E4F1: variants seen among roughly 807,000 people sequenced by gnomAD.
E4F1 encodes the protein E4F transcription factor 1, also known as transcription factor E4F1.
A neutral mutation model predicts 72.9 loss-of-function variants in E4F1; 30 were observed. That is an observed-to-expected ratio of 0.41 (90% CI 0.31 to 0.56). The LOEUF (loss-of-function observed/expected upper bound fraction) is 0.56, where lower values mean the gene tolerates loss of function less well. Among genes scored for constraint, E4F1 ranks in the 20% least tolerant of loss-of-function variants. The probability of loss-of-function intolerance (pLI) is 0.25; values close to 1 mark genes in which losing one functional copy is unlikely to be tolerated. For synonymous variants in E4F1, 542 were observed against 478.2 expected (o/e 1.13, Z -1.74); for missense variants, 1,091 against 1,117.5 (o/e 0.98, Z 0.34).
At position 2,233,561 on chromosome 16, in the gene E4F1, C is replaced by G. The variant is rs767227504; in HGVS notation, c.1180C>G (p.Pro394Ala). 6.6e-7 allele frequency: 1 copy of G among 1,510,172 alleles called. No individual in the cohort carries two copies. Among genetic ancestry groups the G allele is most frequent in the Non-Finnish European group, 8.9e-7 (1 of 1,128,750 alleles). The allele number at this position is 1,510,172 out of a possible 1,614,324, so 93.5% of individuals were successfully genotyped here. ...RAAGEEGALE[P>A]APAAGSSPQP... ...TGCTGGGGAGGAGGGTGCCCTGGAG[C>G]CAGCTCCTGCTGCCGGGTCCAGTCC... The change falls in exon 8 of 14, where the codon CCA becomes GCA. Residue 394 changes from proline (P) to alanine (A), a missense_variant. By Grantham distance (27) the Pro-to-Ala change is conservative. Transcript: ENST00000301727.
At position 2,232,496 on chromosome 16, in the gene E4F1, G is replaced by A. The variant is rs749141504; in HGVS notation, c.650G>A (p.Arg217His). The A allele has an allele frequency of 2.9e-5, 47 of 1,611,278 alleles. No individual in the cohort carries two copies. Among genetic ancestry groups the A allele is most frequent in the South Asian group, 1.5e-4 (14 of 90,854 alleles). Residue 217 changes from arginine (R) to histidine (H), a missense_variant, in exon 5 of 14, where the codon CGC (arginine) becomes CAC (histidine). Transcript: ENST00000301727. ...GCCCACATGGTCACTCACAGCAGCC[G>A]CAAGGACCACGAGTGCAAGCTCTGT... ...LKAHMVTHSS[R>H]KDHECKLCGA...
rs1243966461 is a variant in E4F1, at chr16:2,233,790, G to A, written c.1267-92G>A. ...TACTGCCTTCCCTGGGGCCACAAGG[G>A]AGCCTGCCAGGGTGGGGCCCATGGT... On this transcript the variant is annotated intron_variant, in intron 8 of 13. Coordinates refer to ENST00000301727, the MANE Select transcript of E4F1 (RefSeq NM_004424.5). 57 of 1,423,702 alleles carry A rather than the reference G, an allele frequency of 4.0e-5. No individual in the cohort carries two copies. The Admixed American group carries it at 1.2e-3, about 29-fold the overall frequency. The allele number at this position is 1,423,702 out of a possible 1,614,324, so 88.2% of individuals were successfully genotyped here. A position where few individuals can be genotyped will look rare whatever the true frequency, so the allele number is the denominator to read the frequency against.
rs143899809 is a variant in E4F1, at chr16:2,235,573, C to T, written c.*1C>T. The stretch of plus-strand genomic sequence containing the variant: ...GGAGGTGCAGACGGTCATCGTCTAG[C>T]ATGAGGTCTGCGGGGTCCTGGCCGG... On this transcript the variant is annotated 3_prime_UTR_variant, in exon 14 of 14. Coordinates refer to ENST00000301727, the MANE Select transcript of E4F1 (RefSeq NM_004424.5). 1.5e-4 allele frequency: 231 copies of T among 1,587,196 alleles called. No individual in the cohort carries two copies. The highest frequency in any genetic ancestry group is 1.6e-4 in the Non-Finnish European group (181 of 1,163,534).
At chr16:2,225,425 A>AG (rs2093425168) in intron 1 of E4F1, among the ~76,000 whole-genome samples, 1 of 151,094 alleles carries the variant, frequency 6.6e-6, no homozygotes, top group Non-Finnish European at 1.5e-5. Context: ...CTTGAGCCCA[A>AG]GGAGTTCCAG....
chr16:2,229,542 C>G (rs1347445465), intron 2 of E4F1, 28 bp from the exon 3 acceptor site: 1 of 1,600,698 alleles, frequency 6.2e-7, no homozygotes, highest in Non-Finnish European at 8.5e-7. Context: ...ATACAGACGA[C>G]TCCCCTGTTT....
At chr16:2,228,165 G>C in intron 1 of E4F1, 2 of 660,294 alleles carry the variant, frequency 3.0e-6, no homozygotes, top group East Asian at 5.6e-5. Flanking sequence ...GGTGGGTCTG[G>C]CCCCTGCAGA....
intron 3 of E4F1, 72 bp from the exon 4 acceptor site, chr16:2,232,099 C>G: frequency 6.3e-7 from 1 of 1,579,212 alleles, no homozygotes; most frequent in Non-Finnish European, 8.6e-7. Flanking sequence ...GTCCCCTCCC[C>G]TGGAGCCAGC....
intron 1 of E4F1, 75 bp downstream of exon 1, chr16:2,223,845 C>A: frequency 6.5e-7 from 1 of 1,530,934 alleles, no homozygotes; most frequent in Non-Finnish European, 8.7e-7. Context: ...CCGGATGGCC[C>A]GAGCTGCGGG....
At chr16:2,224,558 G>C (rs1337270697) in intron 1 of E4F1, among the ~76,000 whole-genome samples, 1 of 152,172 alleles carries the variant, frequency 6.6e-6, no homozygotes, top group Non-Finnish European at 1.5e-5. Flanking sequence ...GGGAGGTCGA[G>C]ACGGGCGGGT....
intron 1 of E4F1, 172 bp downstream of exon 1, chr16:2,223,942 C>T (rs1479470779): frequency 6.5e-7 from 1 of 1,527,386 alleles, no homozygotes; most frequent in Non-Finnish European, 8.7e-7. Context: ...TTGCTGCGAC[C>T]CTCACGGGCC....
chr16:2,228,440 C>T lies in E4F1; in HGVS notation c.226C>T (p.His76Tyr). ...EFTALEDFVQ[H>Y]KIQKACQRAP... is the part of the protein sequence containing the mutation. ...CACCGCCTTGGAGGATTTTGTTCAG[C>T]ACAAGATTCAGAAGGCCTGCCAGCG... Residue 76 changes from histidine (H) to tyrosine (Y), a missense_variant, in exon 2 of 14, where the codon CAC becomes TAC. Around this residue, in one of 5 missense-constraint regions of E4F1, gnomAD observed 362 missense variants for 358.6 expected, o/e 1.01. Transcript: ENST00000301727. 6.2e-7 allele frequency: 1 copy of T among 1,613,700 alleles called. No individual in the cohort carries two copies. Among genetic ancestry groups the T allele is most frequent in the Non-Finnish European group, 8.5e-7 (1 of 1,180,030 alleles).
Position 2,235,463 on chromosome 16 carries a change from C to G in E4F1, c.2246C>G (p.Ala749Gly). ...ARAGTSGTEQATVTMVSSEDI... is the reference protein window; with the variant it reads ...ARAGTSGTEQGTVTMVSSEDI... The stretch of plus-strand genomic sequence containing the variant: ...GCAGGGACAAGTGGCACTGAACAGG[C>G]CACTGTGACCATGGTGTCATCAGAG... The change falls in exon 14 of 14, where the codon GCC becomes GGC. Residue 749 changes from alanine to glycine, a missense_variant. Ala to Gly is a moderately conservative substitution (Grantham distance 60). Around this residue, in one of 5 missense-constraint regions of E4F1, gnomAD observed 622 missense variants for 628.0 expected, o/e 0.99. Transcript: ENST00000301727. 6.2e-7 allele frequency: 1 copy of G among 1,612,492 alleles called. No individual in the cohort carries two copies. Among genetic ancestry groups the G allele is most frequent in the East Asian group, 2.2e-5 (1 of 44,834 alleles).
At chr16:2,223,807 G>C in intron 1 of E4F1, 37 bp downstream of exon 1, 1 of 1,536,030 alleles carries the variant, frequency 6.5e-7, no homozygotes, top group Non-Finnish European at 8.7e-7. Context: ...GCCGGGGTGC[G>C]GGCAGTTCAT....
chr16:2,228,279 G>A (rs2093444053), intron 1 of E4F1, 93 bp from the exon 2 acceptor site: 3 of 1,530,332 alleles, frequency 2.0e-6, no homozygotes, highest in African/African-American at 1.4e-5. Flanking sequence ...CCTCCTGGGG[G>A]AATCTGTTCT....
Position 2,235,447 on chromosome 16 carries a change from A to G in E4F1, c.2230A>G (p.Ser744Gly), listed in dbSNP as rs199977994. ...GTVLAARAGTSGTEQATVTMV... is the reference protein window; with the variant it reads ...GTVLAARAGTGGTEQATVTMV... ...TGTGCTTGCCGCCCGGGCAGGGACA[A>G]GTGGCACTGAACAGGCCACTGTGAC... The change falls in exon 14 of 14, where the codon AGT becomes GGT. Residue 744 changes from serine to glycine, a missense_variant. Physicochemically the swap from Ser to Gly is moderately conservative, Grantham distance 56 (BLOSUM62 0). This residue lies in a region of E4F1 where 622 missense variants were observed against 628.0 expected (regional missense o/e 0.99). Coordinates refer to ENST00000301727, the MANE Select transcript of E4F1 (RefSeq NM_004424.5). 4 of 1,612,512 alleles carry G rather than the reference A, an allele frequency of 2.5e-6. No homozygotes were observed. The highest frequency in any genetic ancestry group is 4.5e-5 in the East Asian group (2 of 44,842).
Position 2,235,308 on chromosome 16 carries a change from G to T in E4F1, c.2091G>T (p.Glu697Asp). ...TCGTGCAGAACGTCACCATGGACGA[G>T]GAGACGGCGCTGGGCCCAGAGGCGG... ...QIIVQNVTMD[E>D]ETALGPEAAA... Residue 697 changes from glutamate (E) to aspartate (D), a missense_variant, in exon 14 of 14, where the codon GAG becomes GAT. Physicochemically the swap from Glu to Asp is conservative, Grantham distance 45. Transcript: ENST00000301727. 6.2e-7 allele frequency: 1 copy of T among 1,611,096 alleles called. No individual in the cohort carries two copies.
At chr16:2,227,023 C>T (rs561042459) in intron 1 of E4F1, among the ~76,000 whole-genome samples, 28 of 152,284 alleles carry the variant, frequency 1.8e-4, no homozygotes, top group African/African-American at 6.7e-4. Flanking sequence ...CAAACTCCCG[C>T]AGTTTTTGTT....
chr16:2,229,493 C>T, intron 2 of E4F1, 77 bp from the exon 3 acceptor site: 1 of 1,470,522 alleles, frequency 6.8e-7, no homozygotes, highest in South Asian at 1.2e-5. Context: ...TTTACACTGG[C>T]AGAGCCCAGG....
At chr16:2,227,364 C>G (rs946042741) in intron 1 of E4F1, among the ~76,000 whole-genome samples, 2 of 151,992 alleles carry the variant, frequency 1.3e-5, no homozygotes, top group Non-Finnish European at 2.9e-5. Flanking sequence ...CATGCGCCAC[C>G]AAGCCTGGCT....
Sources: gnomAD v4.1 joint callset for allele counts (sites outside exome capture counted in the v4.1 genomes callset) on GRCh38, gnomAD v4.1.1 for gene constraint, gnomAD v4.1.1 regional missense constraint, MANE v1.5 for transcripts, NCBI Gene and HGNC (gene_info 2026-07-23, HGNC 2026-07-21) for gene names.